The following PRR16 variants were observed in gnomAD, a reference collection of about 807,000 sequenced individuals.
PRR16 encodes the protein proline rich 16.
Under a neutral mutation model 18.2 loss-of-function variants are expected in PRR16, and 6 were observed. The ratio of observed to expected loss-of-function variants is 0.33; its 90% CI spans 0.18 to 0.65. The LOEUF (loss-of-function observed/expected upper bound fraction) is 0.65, where lower values mean the gene tolerates loss of function less well. PRR16 is among the 30% of genes least tolerant of loss of function. The pLI, the probability that PRR16 is intolerant of heterozygous loss-of-function variation, is 0.74. For missense variants in PRR16, 412 were observed against 376.6 expected (o/e 1.09, Z -0.78); for synonymous variants, 151 against 147.8 (o/e 1.02, Z -0.16).
chr5:120,777,620 A>G, the PRR16 span, among the ~76,000 whole-genome samples: 1 of 151,876 alleles, frequency 6.6e-6, no homozygotes, highest in Non-Finnish European at 1.5e-5. Flanking sequence ...TCTGAGAACC[A>G]TAAAATTTCA....
the PRR16 span, among the ~76,000 whole-genome samples, chr5:120,731,928 C>T: frequency 2.9e-3 from 440 of 152,238 alleles, 6 homozygotes; most frequent in Admixed American, 2.4e-3. Flanking sequence ...GGTGAAAAGG[C>T]CCTGAACATA....
chr5:120,625,764 A>G (rs1754842006), intron 1 of PRR16, among the ~76,000 whole-genome samples: 1 of 152,094 alleles, frequency 6.6e-6, no homozygotes, highest in African/African-American at 2.4e-5. Flanking sequence ...TCTTCTAATC[A>G]TCTGGTTTTA....
the PRR16 span, among the ~76,000 whole-genome samples, chr5:120,732,160 CAT>C: frequency 6.6e-6 from 1 of 152,176 alleles, no homozygotes; most frequent in South Asian, 2.1e-4. Flanking sequence ...CAGCAGTGCA[CAT>C]AGAGATATCC....
rs1464568877 is a variant in PRR16, at chr5:120,686,977, A to G, written c.*268A>G. The stretch of plus-strand genomic sequence containing the variant: ...GCAATTGACCTATGACAAACTGTGA[A>G]CCTGCAGATTTCACCTATTTTGATT... On this transcript the variant is annotated 3_prime_UTR_variant, in exon 2 of 2. Coordinates refer to ENST00000407149, the MANE Select transcript of PRR16 (RefSeq NM_001300783.2). The G allele has an allele frequency of 1.8e-4, 47 of 268,034 alleles. 1 individual carries two copies. In the Admixed American group the frequency reaches 2.2e-3, roughly 13 times the overall value. The allele number at this position is 268,034 out of a possible 1,614,324, so 16.6% of individuals were successfully genotyped here. A position where few individuals can be genotyped will look rare whatever the true frequency, so the allele number is the denominator to read the frequency against.
At chr5:120,771,721 C>T in the PRR16 span, among the ~76,000 whole-genome samples, 8 of 152,030 alleles carry the variant, frequency 5.3e-5, no homozygotes, top group African/African-American at 1.9e-4. Context: ...AGGGGATTAA[C>T]AGTGAACCGT....
At chr5:120,613,453 A>C (rs1435363643) in intron 1 of PRR16, among the ~76,000 whole-genome samples, 2 of 151,290 alleles carry the variant, frequency 1.3e-5, no homozygotes, top group African/African-American at 4.8e-5. Context: ...ATAATTACTT[A>C]AGCATATTAC....
chr5:120,602,757 G>A (rs1754023859), intron 1 of PRR16, among the ~76,000 whole-genome samples: 1 of 152,010 alleles, frequency 6.6e-6, no homozygotes, highest in Non-Finnish European at 1.5e-5. Flanking sequence ...CTAATTTGTT[G>A]AGGGTTTTAA....
At chr5:120,565,601 A>C (rs927255494) in intron 1 of PRR16, among the ~76,000 whole-genome samples, 1 of 152,216 alleles carries the variant, frequency 6.6e-6, no homozygotes, top group East Asian at 1.9e-4. Flanking sequence ...TTTAACTCCT[A>C]TCTCTAACAC....
chr5:120,579,326 C>T (rs988072189), intron 1 of PRR16, among the ~76,000 whole-genome samples: 3 of 152,074 alleles, frequency 2.0e-5, no homozygotes, highest in African/African-American at 7.2e-5. Context: ...AGTCTTTGCC[C>T]ATGCCTATGT....
At chr5:120,671,310 A>G (rs1301060442) in intron 1 of PRR16, among the ~76,000 whole-genome samples, 2 of 152,148 alleles carry the variant, frequency 1.3e-5, no homozygotes, top group Admixed American at 6.6e-5. Flanking sequence ...AAAAAATTGC[A>G]AAGTACAGAA....
rs75098978 is a variant in PRR16, at chr5:120,645,116, T to G, written c.160-40838T>G. 3.7e-3 allele frequency among the ~76,000 whole-genome samples: 567 copies of G among 152,236 alleles called. 3 individuals are homozygous for G. The highest frequency in any genetic ancestry group is 5.2e-3 in the Non-Finnish European group (357 of 68,006). On this transcript the variant is annotated intron_variant, in intron 1 of 1. Transcript: ENST00000407149. ...TCTTTTAAAATGCAGATTATTTGGCTCCATTTAGCGTCTGTTATGGAAACA... is the reference window on the plus strand; with the variant it reads ...TCTTTTAAAATGCAGATTATTTGGCGCCATTTAGCGTCTGTTATGGAAACA...
At chr5:120,502,229 C>T (rs1469548953) in intron 1 of PRR16, among the ~76,000 whole-genome samples, 1 of 150,970 alleles carries the variant, frequency 6.6e-6, no homozygotes, top group Non-Finnish European at 1.5e-5. Context: ...ATATCCATAA[C>T]AGTTTCCTTT....
At chr5:120,578,825 T>C (rs1052629639) in intron 1 of PRR16, among the ~76,000 whole-genome samples, 1 of 152,194 alleles carries the variant, frequency 6.6e-6, no homozygotes, top group South Asian at 2.1e-4. Flanking sequence ...ATTGCCATAC[T>C]GTCTTCCACA....
At chr5:120,651,614 G>A (rs1755792531) in intron 1 of PRR16, among the ~76,000 whole-genome samples, 1 of 152,094 alleles carries the variant, frequency 6.6e-6, no homozygotes, top group Admixed American at 6.6e-5. Context: ...GTTTTTGTCA[G>A]GTTTGTCAAA....
chr5:120,704,777 T>C, the PRR16 span, among the ~76,000 whole-genome samples: 58 of 152,138 alleles, frequency 3.8e-4, no homozygotes, highest in African/African-American at 1.3e-3. Flanking sequence ...AATAATACAA[T>C]ACAGAGAATG....
At chr5:120,784,589 A>C in the PRR16 span, among the ~76,000 whole-genome samples, 1 of 152,208 alleles carries the variant, frequency 6.6e-6, no homozygotes, top group African/African-American at 2.4e-5. Flanking sequence ...AAGAAACTCA[A>C]AAAACTCAAT....
rs147215423 is a variant in PRR16, at chr5:120,597,959, C to A, written c.160-87995C>A. On this transcript the variant is annotated intron_variant, in intron 1 of 1. Transcript: ENST00000407149. ...ATGGCTGTTGCTATAATATGGAGGT[C>A]TCCCAGTAATGAATATGGATTATGA... is the stretch of plus-strand genomic sequence containing the variant. Among the ~76,000 whole-genome samples, 636 of 151,802 alleles carry A rather than the reference C, an allele frequency of 4.2e-3. 5 individuals are homozygous for A. The highest frequency in any genetic ancestry group is 0.013 in the African/African-American group (544 of 41,470).
intron 1 of PRR16, among the ~76,000 whole-genome samples, chr5:120,586,171 C>CAAA (rs34272640): frequency 6.4e-5 from 9 of 140,664 alleles, no homozygotes; most frequent in African/African-American, 1.6e-4. Context: ...GACTCCATCT[C>CAAA]AAAAAAAAAA....
chr5:120,615,593 G>A (rs1212576772), intron 1 of PRR16, among the ~76,000 whole-genome samples: 2 of 151,752 alleles, frequency 1.3e-5, no homozygotes, highest in East Asian at 3.9e-4. Context: ...AATATGATTA[G>A]AAAATTTGAC....
Sources: gnomAD v4.1 joint callset for allele counts (sites outside exome capture counted in the v4.1 genomes callset) on GRCh38, gnomAD v4.1.1 for gene constraint, MANE v1.5 for transcripts, NCBI Gene and HGNC (gene_info 2026-07-23, HGNC 2026-07-21) for gene names.